TENM1: variants seen among roughly 807,000 people sequenced by gnomAD.
TENM1 encodes the protein teneurin transmembrane protein 1.
Under a neutral mutation model 174.8 loss-of-function variants are expected in TENM1, and 35 were observed. The observed-to-expected ratio is 0.20, with a 90% CI of 0.15 to 0.27. The LOEUF (loss-of-function observed/expected upper bound fraction) is 0.27. Among genes scored for constraint, TENM1 ranks in the 10% least tolerant of loss-of-function variants. The probability of loss-of-function intolerance (pLI) is 1.00; values close to 1 mark genes in which losing one functional copy is unlikely to be tolerated. For synonymous variants in TENM1, 781 were observed against 798.7 expected (o/e 0.98, Z 0.37); for missense variants, 1,633 against 2,130.1 (o/e 0.77, Z 4.59).
intron 3 of TENM1, among the ~76,000 whole-genome samples, chrX:124,742,713 G>A (rs888933868): frequency 9.0e-6 from 1 of 110,501 alleles, no homozygotes; most frequent in Non-Finnish European, 1.9e-5. Flanking sequence ...GGACCCCAAA[G>A]GTTTTGGATA....
At position 124,523,384 on chromosome X, in the gene TENM1, T is replaced by C. The variant is rs745764623; in HGVS notation, c.3013A>G (p.Thr1005Ala). The C allele has an allele frequency of 2.9e-5, 35 of 1,210,156 alleles. No individual in the cohort carries two copies. The highest frequency in any genetic ancestry group is 8.9e-5 in the East Asian group (3 of 33,799). The change falls in exon 17 of 32, where the codon ACT becomes GCT. Residue 1005 changes from threonine to alanine, a missense_variant. By Grantham distance (58) the Thr-to-Ala change is moderately conservative. Coordinates refer to ENST00000422452, the Ensembl canonical transcript of TENM1. ...CTCACCTGCAGCTCAGGAACAATAG[T>C]TCCCCTCTCTGGACAGGACCCTCCA...
At chrX:124,509,762 C>G (rs1333003741) in intron 18 of TENM1, among the ~76,000 whole-genome samples, 1 of 102,805 alleles carries the variant, frequency 9.7e-6, no homozygotes, top group African/African-American at 3.7e-5. Flanking sequence ...CTCTTGTTGC[C>G]CAGGCTGGAG....
At chrX:124,382,084 A>G (rs1282363291) in intron 31 of TENM1, among the ~76,000 whole-genome samples, 1 of 111,311 alleles carries the variant, frequency 9.0e-6, no homozygotes, top group Non-Finnish European at 1.9e-5. Context: ...AGATATTCAT[A>G]TTTCTTTCAG....
rs191508404 is a variant in TENM1, at chrX:124,386,071, C to T, written c.5689-7G>A. On this transcript the variant is annotated splice_region_variant and splice_polypyrimidine_tract_variant and intron_variant, in intron 28 of 31. Transcript: ENST00000422452. ...GTAGGAGAAGCATCACAGACTGAAACGAGACAAAGGCAGAATAGCATATTA... is the reference window on the plus strand; with the variant it reads ...GTAGGAGAAGCATCACAGACTGAAATGAGACAAAGGCAGAATAGCATATTA... The T allele has an allele frequency of 3.1e-4, 362 of 1,179,963 alleles. 1 individual carries two copies. In the African/African-American group the frequency reaches 3.1e-3, roughly 10 times the overall value.
chrX:124,542,473 C>T (rs2048342131), intron 15 of TENM1, among the ~76,000 whole-genome samples: 1 of 106,566 alleles, frequency 9.4e-6, no homozygotes, highest in Non-Finnish European at 1.9e-5. Context: ...TAGTGCTGTA[C>T]TAAATTTGGT....
At chrX:124,578,318 T>G (rs1400003639) in intron 11 of TENM1, among the ~76,000 whole-genome samples, 1 of 112,007 alleles carries the variant, frequency 8.9e-6, no homozygotes, top group African/African-American at 3.2e-5. Context: ...CCTTTTGCCT[T>G]ATGCTCATAT....
intron 23 of TENM1, among the ~76,000 whole-genome samples, chrX:124,423,373 T>G (rs2060676464): frequency 8.9e-6 from 1 of 111,776 alleles, no homozygotes; most frequent in African/African-American, 3.3e-5. Context: ...TCACTGAGTA[T>G]TCGCTGAGTA....
intron 3 of TENM1, among the ~76,000 whole-genome samples, chrX:124,829,981 A>G (rs760614568): frequency 8.9e-6 from 1 of 112,399 alleles, no homozygotes; most frequent in African/African-American, 3.2e-5. Context: ...ACATAGTACT[A>G]TCGGTGGCAC....
intron 3 of TENM1, among the ~76,000 whole-genome samples, chrX:124,826,408 CA>C (rs761123183): frequency 0.013 from 951 of 73,360 alleles, 2 homozygotes; most frequent in African/African-American, 0.032. Flanking sequence ...GACCCTGTCT[CA>C]AAAAAAAAAA....
chrX:124,453,416 A>G, exon 23 of TENM1: 1 of 1,210,657 alleles, frequency 8.3e-7, no homozygotes, highest in East Asian at 3.0e-5. Flanking sequence ...AGTTGTGATC[A>G]CAGCATTCTC....
intron 11 of TENM1, among the ~76,000 whole-genome samples, chrX:124,566,494 G>T (rs772134082): frequency 5.4e-4 from 61 of 111,998 alleles, no homozygotes; most frequent in Non-Finnish European, 1.0e-3. Context: ...TAATTCCCTT[G>T]CTGGAGGAAG....
chrX:124,673,406 G>T lies in TENM1; in HGVS notation c.1016-1571C>A, dbSNP rs182342415. ...TTTGACAGGTTGAGTGATATGATCA[G>T]AATTTTTCGGATGATTAATTTGAGA... is the stretch of plus-strand genomic sequence containing the variant. On this transcript the variant is annotated intron_variant, in intron 5 of 31. Transcript: ENST00000422452. Among the ~76,000 whole-genome samples, 56 of 111,894 alleles carry T rather than the reference G, an allele frequency of 5.0e-4. No homozygotes were observed. The East Asian group carries it at 0.015, about 29-fold the overall frequency.
At chrX:125,194,241 A>G in the TENM1 span, among the ~76,000 whole-genome samples, 6 of 111,455 alleles carry the variant, frequency 5.4e-5, no homozygotes, top group Non-Finnish European at 1.1e-4. Context: ...TAGTTTCCCA[A>G]GACAAAAGCC....
the TENM1 span, among the ~76,000 whole-genome samples, chrX:125,059,221 G>A: frequency 9.0e-6 from 1 of 111,150 alleles, no homozygotes; most frequent in Non-Finnish European, 1.9e-5. Context: ...TTACTGTACA[G>A]ATTTGTGATG....
chrX:124,893,958 A>G (rs779324348), intron 3 of TENM1, among the ~76,000 whole-genome samples: 6 of 111,569 alleles, frequency 5.4e-5, no homozygotes, highest in Admixed American at 9.6e-5. Context: ...AGCCATGTAA[A>G]ACATGGTAGA....
At chrX:125,155,297 T>C in the TENM1 span, among the ~76,000 whole-genome samples, 1 of 111,861 alleles carries the variant, frequency 8.9e-6, no homozygotes, top group African/African-American at 3.3e-5. Flanking sequence ...TTGGTGTGTT[T>C]ACAAACCTTG....
chrX:124,894,599 T>C (rs996717772), intron 2 of TENM1, among the ~76,000 whole-genome samples: 1 of 111,981 alleles, frequency 8.9e-6, no homozygotes, highest in Non-Finnish European at 1.9e-5. Context: ...AGATACCTCA[T>C]AACAAGAGAC....
At chrX:124,463,877 G>GTGGA (rs781695591) in intron 22 of TENM1, among the ~76,000 whole-genome samples, 33 of 96,877 alleles carry the variant, frequency 3.4e-4, no homozygotes, top group Non-Finnish European at 4.8e-4. Context: ...GTGTGTGTGT[G>GTGGA]GAGAGAGAGA....
At chrX:125,089,792 C>T in the TENM1 span, among the ~76,000 whole-genome samples, 4 of 111,532 alleles carry the variant, frequency 3.6e-5, no homozygotes, top group African/African-American at 1.3e-4. Flanking sequence ...CATTTAGGAG[C>T]ATAGTCAAGT....
Sources: gnomAD v4.1 joint callset for allele counts (sites outside exome capture counted in the v4.1 genomes callset) on GRCh38, gnomAD v4.1.1 for gene constraint, MANE v1.5 for transcripts, NCBI Gene and HGNC (gene_info 2026-07-23, HGNC 2026-07-21) for gene names.